Variants in DNM1L observed in about 807,000 individuals in gnomAD.
The protein encoded by DNM1L is dynamin-1-like protein.
DNM1L carries 33 observed loss-of-function variants against 92.8 expected under a neutral mutation model. That is an observed-to-expected ratio of 0.36 (90% CI 0.27 to 0.48). DNM1L has a LOEUF of 0.48. DNM1L is among the 20% of genes least tolerant of loss of function. DNM1L has a pLI of 0.99. For synonymous variants in DNM1L, 284 were observed against 305.0 expected (o/e 0.93, Z 0.72); for missense variants, 485 against 888.8 (o/e 0.55, Z 5.78).
intron 1 of DNM1L, among the ~76,000 whole-genome samples, chr12:32,685,610 A>C (rs964839069): frequency 6.8e-6 from 1 of 146,220 alleles, no homozygotes; most frequent in African/African-American, 2.5e-5. Flanking sequence ...TGATCCACCC[A>C]CCTCGGCCTC....
At chr12:32,681,907 T>C (rs1435646098) in intron 1 of DNM1L, among the ~76,000 whole-genome samples, 1 of 151,956 alleles carries the variant, frequency 6.6e-6, no homozygotes, top group Non-Finnish European at 1.5e-5. Context: ...CTTGGGAAGA[T>C]TGCCTGAGTC....
At chr12:32,713,426 C>T (rs1206733409) in intron 6 of DNM1L, 55 bp downstream of exon 6, 2 of 1,576,122 alleles carry the variant, frequency 1.3e-6, no homozygotes, top group Middle Eastern at 1.7e-4. Flanking sequence ...TAAATCTACC[C>T]TTGAGAAAGG....
At chr12:32,697,923 T>A (rs1952537262) in intron 1 of DNM1L, among the ~76,000 whole-genome samples, 1 of 151,586 alleles carries the variant, frequency 6.6e-6, no homozygotes, top group African/African-American at 2.4e-5. Flanking sequence ...ATAAGAAAAA[T>A]GAACATTCTA....
At chr12:32,735,427 G>C (rs1214158383) in intron 13 of DNM1L, among the ~76,000 whole-genome samples, 1 of 152,016 alleles carries the variant, frequency 6.6e-6, no homozygotes, top group African/African-American at 2.4e-5. Flanking sequence ...CTTTTGCTTT[G>C]TATCCCTGTT....
chr12:32,743,382 C>A lies in DNM1L; in HGVS notation c.2183C>A (p.Ala728Asp). 6.2e-7 allele frequency: 1 copy of A among 1,613,894 alleles called. No individual in the cohort carries two copies. The highest frequency in any genetic ancestry group is 8.5e-7 in the Non-Finnish European group (1 of 1,179,984). ...KALQGASQII[A>D]EIRETHLW is the part of the protein sequence containing the mutation. ...TTACAAGGAGCCAGTCAAATTATTG[C>A]TGAAATCCGGGAGACTCATCTTTGG... The change falls in exon 20 of 20, where the codon GCT becomes GAT. Residue 728 changes from alanine to aspartate, a missense_variant. Ala to Asp is a moderately radical substitution (Grantham distance 126). This residue lies in a region of DNM1L where 133 missense variants were observed against 210.9 expected (regional missense o/e 0.63). Transcript: ENST00000549701.
rs552795988 is a variant in DNM1L at position 32,685,032 on chromosome 12, C to T, written c.102+5567C>T. ...TTGGCTCACCGCAAGCTCCGCCTCC[C>T]GGGTTTACGCCGTTCTCCTGCCTCA... On this transcript the variant is annotated intron_variant, in intron 1 of 19. Transcript: ENST00000549701. Among the ~76,000 whole-genome samples the T allele has an allele frequency of 1.8e-4, 28 of 151,784 alleles. No individual in the cohort carries two copies. In the Middle Eastern group the frequency reaches 0.014, roughly 74 times the overall value.
intron 9 of DNM1L, among the ~76,000 whole-genome samples, chr12:32,730,116 A>T (rs1276723521): frequency 6.6e-6 from 1 of 152,220 alleles, no homozygotes; most frequent in East Asian, 1.9e-4. Context: ...CTGTAATCTC[A>T]GCACTTTGGG....
chr12:32,717,677 C>A lies in DNM1L; in HGVS notation c.620-966C>A, dbSNP rs1242969771. ...ATATATATATAAAAAATACATATAC[C>A]TAGGTAGATATATATATAAAAAATA... On this transcript the variant is annotated intron_variant, in intron 6 of 19. Coordinates refer to ENST00000549701, the MANE Select transcript of DNM1L (RefSeq NM_012062.5). 1.2e-4 allele frequency among the ~76,000 whole-genome samples: 9 copies of A among 75,270 alleles called. 1 individual carries two copies. The highest frequency in any genetic ancestry group is 1.7e-4 in the African/African-American group (3 of 17,164). 49.4% of individuals were successfully genotyped at this position (75,270 alleles called of 152,430 possible).
intron 9 of DNM1L, among the ~76,000 whole-genome samples, chr12:32,724,794 C>A (rs1330788629): frequency 6.6e-6 from 1 of 150,830 alleles, no homozygotes; most frequent in African/African-American, 2.4e-5. Flanking sequence ...AGTGTCAACA[C>A]TGGCATTACA....
At chr12:32,679,562 G>T in intron 1 of DNM1L, 97 bp downstream of exon 1, 1 of 1,461,110 alleles carries the variant, frequency 6.8e-7, no homozygotes, top group Non-Finnish European at 9.3e-7. Flanking sequence ...GCCCACTCCC[G>T]CGCCAGCCTT....
At chr12:32,681,402 T>G (rs1032656109) in intron 1 of DNM1L, among the ~76,000 whole-genome samples, 7 of 151,918 alleles carry the variant, frequency 4.6e-5, no homozygotes, top group African/African-American at 7.3e-5. Context: ...AATACGAAAA[T>G]TAGCTGGGCA....
intron 6 of DNM1L, among the ~76,000 whole-genome samples, chr12:32,717,875 CTATA>C (rs1176597728): frequency 2.9e-5 from 3 of 104,442 alleles, no homozygotes; most frequent in African/African-American, 7.9e-5. Context: ...ATAGTATATA[CTATA>C]TATATTTATA....
chr12:32,708,755 G>A (rs959070073), intron 4 of DNM1L, among the ~76,000 whole-genome samples: 1 of 151,928 alleles, frequency 6.6e-6, no homozygotes, highest in African/African-American at 2.4e-5. Flanking sequence ...CTGAGATTGT[G>A]AGAATGTGAA....
Position 32,720,728 on chromosome 12 carries a change from C to T in DNM1L, c.805C>T (p.Leu269Phe), listed in dbSNP as rs1217452893. 6.2e-7 allele frequency: 1 copy of T among 1,613,816 alleles called. No homozygotes were observed. The highest frequency in any genetic ancestry group is 1.7e-5 in the Admixed American group (1 of 60,006). ...TDSIRDEYAF[L>F]QKKYPSLANR... ...TTCAATCCGTGATGAGTATGCTTTT[C>T]TTCAAAAGAAATATCCATCTCTGGC... Residue 269 changes from leucine (L) to phenylalanine (F), a missense_variant, in exon 8 of 20, where the codon CTT becomes TTT. Coordinates refer to ENST00000549701, the MANE Select transcript of DNM1L (RefSeq NM_012062.5).
At position 32,679,743 on chromosome 12, in the gene DNM1L, G is replaced by C; in HGVS notation, c.102+278G>C. On this transcript the variant is annotated intron_variant, in intron 1 of 19. Coordinates refer to ENST00000549701, the MANE Select transcript of DNM1L (RefSeq NM_012062.5). ...CGGCGGGTCCCGGGGACAGGAGAGG[G>C]AAGGATGGGGCCGGCGGGCGGAACT... The C allele has an allele frequency of 2.7e-6, 3 of 1,126,668 alleles. No individual in the cohort carries two copies. In the South Asian group the frequency reaches 1.1e-4, roughly 41 times the overall value. 69.8% of individuals were successfully genotyped at this position (1,126,668 alleles called of 1,614,324 possible). A position where few individuals can be genotyped will look rare whatever the true frequency, so the allele number is the denominator to read the frequency against.
intron 2 of DNM1L, among the ~76,000 whole-genome samples, chr12:32,705,204 T>C (rs1454694799): frequency 6.6e-6 from 1 of 151,972 alleles, no homozygotes; most frequent in Non-Finnish European, 1.5e-5. Context: ...GGTTTTGCCA[T>C]GTTGGCCAGG....
intron 1 of DNM1L, among the ~76,000 whole-genome samples, chr12:32,688,405 A>C (rs1339807132): frequency 6.6e-6 from 1 of 152,110 alleles, no homozygotes; most frequent in Non-Finnish European, 1.5e-5. Context: ...TCTGGCTCCT[A>C]TGGTTTCTTT....
intron 9 of DNM1L, among the ~76,000 whole-genome samples, chr12:32,729,247 AATTTTTTGT>A (rs1954376369): frequency 6.6e-6 from 1 of 151,292 alleles, no homozygotes; most frequent in Non-Finnish European, 1.5e-5. Context: ...ATGCCCGGCT[AATTTTTTGT>A]ATTTTTAGTA....
chr12:32,703,393 G>C (rs1555116872), intron 2 of DNM1L, among the ~76,000 whole-genome samples: 1 of 151,778 alleles, frequency 6.6e-6, no homozygotes, highest in Non-Finnish European at 1.5e-5. Context: ...ATAAATTTGA[G>C]TACTAGATTT....
Sources: allele counts gnomAD v4.1 joint callset (sites outside exome capture counted in the v4.1 genomes callset), GRCh38; gene constraint gnomAD v4.1.1; regional missense constraint gnomAD v4.1.1; transcripts MANE v1.5; gene names NCBI Gene and HGNC (gene_info 2026-07-23, HGNC 2026-07-21).